ELAVL2: variants seen among roughly 807,000 people sequenced by gnomAD.
ELAVL2 encodes ELAV like RNA binding protein 2, also known as ELAV-like protein 2.
A neutral mutation model predicts 34.6 loss-of-function variants in ELAVL2; 4 were observed. The observed-to-expected ratio is 0.12, with a 90% CI of 0.06 to 0.26. ELAVL2 has a LOEUF of 0.26. Ranked by LOEUF, ELAVL2 falls within the 10% of genes least tolerant of loss-of-function variation. ELAVL2 has a pLI of 1.00. For synonymous variants in ELAVL2, 193 were observed against 154.8 expected (o/e 1.25, Z -1.83); for missense variants, 432 against 442.8 (o/e 0.98, Z 0.22).
intron 2 of ELAVL2, among the ~76,000 whole-genome samples, chr9:23,748,778 G>T (rs760084704): frequency 6.6e-6 from 1 of 152,118 alleles, no homozygotes; most frequent in Admixed American, 6.6e-5. Context: ...GCCACTTGGA[G>T]AGGAAGAGAA....
chr9:23,797,147 A>T (rs1329711034), intron 1 of ELAVL2, among the ~76,000 whole-genome samples: 1 of 152,190 alleles, frequency 6.6e-6, no homozygotes, highest in Non-Finnish European at 1.5e-5. Flanking sequence ...ACAGGATTTG[A>T]AGAGTTTAAG....
At chr9:23,804,760 G>A (rs1330761139) in intron 1 of ELAVL2, among the ~76,000 whole-genome samples, 2 of 152,036 alleles carry the variant, frequency 1.3e-5, no homozygotes, top group Non-Finnish European at 2.9e-5. Flanking sequence ...AGTGTAGAGA[G>A]GGCACTGGGG....
At chr9:23,716,213 T>C (rs905312638) in intron 3 of ELAVL2, among the ~76,000 whole-genome samples, 1 of 151,856 alleles carries the variant, frequency 6.6e-6, no homozygotes, top group African/African-American at 2.4e-5. Flanking sequence ...ATACCTAATG[T>C]AAATGATGAG....
the ELAVL2 span, among the ~76,000 whole-genome samples, chr9:23,836,642 A>G: frequency 1.3e-5 from 2 of 151,890 alleles, no homozygotes; most frequent in African/African-American, 2.4e-5. Flanking sequence ...ATAAATCTCA[A>G]TTGGGTGTGT....
At chr9:23,821,349 C>T (rs2064672676) in intron 1 of ELAVL2, 1 of 152,188 alleles carries the variant, frequency 6.6e-6, no homozygotes, top group South Asian at 2.1e-4. Context: ...CTGCTTGTGC[C>T]CACGGGAGGG....
chr9:23,762,719 CAGAT>C (rs1239606581), intron 1 of ELAVL2, among the ~76,000 whole-genome samples: 2 of 152,082 alleles, frequency 1.3e-5, no homozygotes, highest in African/African-American at 2.4e-5. Flanking sequence ...CTAAAACTGA[CAGAT>C]AGCCATTAAC....
At chr9:23,814,341 G>C (rs2138231530) in intron 1 of ELAVL2, among the ~76,000 whole-genome samples, 1 of 152,238 alleles carries the variant, frequency 6.6e-6, no homozygotes, top group South Asian at 2.1e-4. Flanking sequence ...CAAGTGAGCA[G>C]GTTGCACCTG....
intron 1 of ELAVL2, among the ~76,000 whole-genome samples, chr9:23,787,531 C>T (rs1272150379): frequency 1.3e-5 from 2 of 151,518 alleles, no homozygotes; most frequent in Non-Finnish European, 2.9e-5. Context: ...CACGCCTGGC[C>T]TCATCCCTAT....
intron 2 of ELAVL2, among the ~76,000 whole-genome samples, chr9:23,743,951 C>A (rs1481209146): frequency 1.3e-5 from 2 of 152,202 alleles, no homozygotes; most frequent in Non-Finnish European, 2.9e-5. Context: ...CTTCTATACA[C>A]AGAGCTTCTC....
rs77031274 is a variant in ELAVL2, at chr9:23,817,019, T to C, written c.-16+8787A>G. On this transcript the variant is annotated intron_variant, in intron 1 of 6. Coordinates refer to ENST00000397312, the MANE Select transcript of ELAVL2 (RefSeq NM_004432.5). ...ACATACCTGGTTCAAAATATACCAGTGCTAAAGCAAAACCTTCACTGTGTC... is the reference window on the plus strand; with the variant it reads ...ACATACCTGGTTCAAAATATACCAGCGCTAAAGCAAAACCTTCACTGTGTC... Among the ~76,000 whole-genome samples the C allele has an allele frequency of 4.3e-4, 65 of 152,084 alleles. No homozygotes were observed. In the East Asian group the frequency reaches 0.011, roughly 25 times the overall value.
chr9:23,742,285 C>T (rs2049400400), intron 2 of ELAVL2, among the ~76,000 whole-genome samples: 1 of 152,158 alleles, frequency 6.6e-6, no homozygotes, highest in African/African-American at 2.4e-5. Context: ...TGCCCCCCGA[C>T]CAAGCTAAGC....
At chr9:23,806,776 G>T (rs1019655495) in intron 1 of ELAVL2, among the ~76,000 whole-genome samples, 2 of 152,058 alleles carry the variant, frequency 1.3e-5, no homozygotes, top group African/African-American at 4.8e-5. Flanking sequence ...ATTAAGGAGA[G>T]ACCAGACACC....
chr9:23,733,997 T>C (rs1452202643), intron 2 of ELAVL2, among the ~76,000 whole-genome samples: 3 of 152,184 alleles, frequency 2.0e-5, no homozygotes, highest in African/African-American at 7.2e-5. Context: ...TTATAAAAAG[T>C]TTCTTATTTG....
intron 3 of ELAVL2, among the ~76,000 whole-genome samples, chr9:23,726,927 T>C (rs1255176607): frequency 1.3e-5 from 2 of 152,094 alleles, no homozygotes. Context: ...AAAGGAAGGA[T>C]TCCTTTAGGG....
At chr9:23,795,815 A>G (rs1006442759) in intron 1 of ELAVL2, among the ~76,000 whole-genome samples, 6 of 152,208 alleles carry the variant, frequency 3.9e-5, no homozygotes, top group Non-Finnish European at 5.9e-5. Flanking sequence ...CCTCCCTGAA[A>G]GTTGATTTTA....
the ELAVL2 span, among the ~76,000 whole-genome samples, chr9:23,845,552 TGC>T: frequency 1.3e-5 from 2 of 151,656 alleles, no homozygotes; most frequent in Admixed American, 1.3e-4. Flanking sequence ...TGGGTTGAAA[TGC>T]TCAAGCCTCA....
At position 23,700,881 on chromosome 9, in the gene ELAVL2, GAA is replaced by G. The variant is rs149393952; in HGVS notation, c.713+496_713+497del. 3.5e-5 allele frequency among the ~76,000 whole-genome samples: 5 copies of G among 141,306 alleles called. No homozygotes were observed. The South Asian group carries it at 8.8e-4, about 25-fold the overall frequency. The allele number at this position is 141,306 out of a possible 152,430, so 92.7% of individuals were successfully genotyped here. On this transcript the variant is annotated intron_variant, in intron 5 of 6. Coordinates refer to ENST00000397312, the MANE Select transcript of ELAVL2 (RefSeq NM_004432.5). Reference sequence around the variant, plus strand: ...GACACATGAGAATAAAATCCTTTAAGAAAAAAAAAAAAGGAAATCTGAAGCCC... The same window carrying G: ...GACACATGAGAATAAAATCCTTTAAGAAAAAAAAAAGGAAATCTGAAGCCC...
intron 2 of ELAVL2, among the ~76,000 whole-genome samples, chr9:23,743,511 C>T (rs186389925): frequency 2.6e-5 from 4 of 152,270 alleles, no homozygotes; most frequent in African/African-American, 9.6e-5. Context: ...ACGCATTATC[C>T]TGCCGAATGA....
intron 3 of ELAVL2, among the ~76,000 whole-genome samples, chr9:23,706,122 T>A (rs2039259958): frequency 6.6e-6 from 1 of 152,212 alleles, no homozygotes; most frequent in Non-Finnish European, 1.5e-5. Context: ...AACCTTGATT[T>A]TCAAAAGGTC....
Sources: allele counts gnomAD v4.1 joint callset (sites outside exome capture counted in the v4.1 genomes callset), GRCh38; gene constraint gnomAD v4.1.1; transcripts MANE v1.5; gene names NCBI Gene and HGNC (gene_info 2026-07-23, HGNC 2026-07-21).